Variants in MACROD2 observed in about 807,000 individuals in gnomAD.
MACROD2 encodes the protein ADP-ribose glycohydrolase MACROD2.
MACROD2 carries 36 observed loss-of-function variants against 70.4 expected under a neutral mutation model. The observed-to-expected ratio is 0.51, with a 90% CI of 0.39 to 0.68. The LOEUF is 0.68. MACROD2 is among the 30% of genes least tolerant of loss of function. The pLI, the probability that MACROD2 is intolerant of heterozygous loss-of-function variation, is 0.00. For synonymous variants in MACROD2, 172 were observed against 178.8 expected (o/e 0.96, Z 0.30); for missense variants, 496 against 538.4 (o/e 0.92, Z 0.78).
intron 5 of MACROD2, among the ~76,000 whole-genome samples, chr20:14,819,722 G>T (rs908362936): frequency 2.0e-5 from 3 of 152,092 alleles, no homozygotes; most frequent in Non-Finnish European, 4.4e-5. Context: ...AAAAGAGGAT[G>T]ACTAAGCTAA....
At chr20:14,822,645 C>G (rs140292910) in intron 5 of MACROD2, among the ~76,000 whole-genome samples, 2 of 152,058 alleles carry the variant, frequency 1.3e-5, no homozygotes, top group Admixed American at 1.3e-4. Context: ...AAAATATAAT[C>G]TTTCACCATG....
At chr20:14,600,505 A>C (rs1568692088) in intron 4 of MACROD2, among the ~76,000 whole-genome samples, 2 of 152,024 alleles carry the variant, frequency 1.3e-5, no homozygotes, top group Non-Finnish European at 2.9e-5. Context: ...TTTTAAAAAG[A>C]ATTAATTTTT....
chr20:14,891,973 A>G (rs1000067628), intron 5 of MACROD2, among the ~76,000 whole-genome samples: 1 of 150,702 alleles, frequency 6.6e-6, no homozygotes, highest in African/African-American at 2.5e-5. Context: ...TTATATTATG[A>G]AAAACTTTGA....
At chr20:15,134,365 G>T (rs1262728424) in intron 5 of MACROD2, among the ~76,000 whole-genome samples, 1 of 151,622 alleles carries the variant, frequency 6.6e-6, no homozygotes, top group Non-Finnish European at 1.5e-5. Context: ...ATAACAAACT[G>T]TCTCTCAGAC....
chr20:14,715,841 A>T (rs1295344501), intron 5 of MACROD2, among the ~76,000 whole-genome samples: 1 of 152,204 alleles, frequency 6.6e-6, no homozygotes, highest in Admixed American at 6.5e-5. Flanking sequence ...CAAAGACAAT[A>T]CAGCTCCAAC....
At chr20:16,035,706 T>C (rs554765316) in intron 15 of MACROD2, among the ~76,000 whole-genome samples, 1 of 152,150 alleles carries the variant, frequency 6.6e-6, no homozygotes, top group African/African-American at 2.4e-5. Flanking sequence ...CCTCAGGGGA[T>C]TTAGAACAGT....
intron 3 of MACROD2, among the ~76,000 whole-genome samples, chr20:14,288,375 G>T (rs1004765386): frequency 6.6e-6 from 1 of 152,090 alleles, no homozygotes; most frequent in Non-Finnish European, 1.5e-5. Flanking sequence ...TCAGTTTTTT[G>T]AAGATTCTTT....
intron 2 of MACROD2, among the ~76,000 whole-genome samples, chr20:14,077,344 C>G (rs568444033): frequency 5.6e-4 from 85 of 152,216 alleles, no homozygotes; most frequent in Middle Eastern, 6.8e-3. Context: ...AAAGATTACA[C>G]TATAAAGAAA....
intron 3 of MACROD2, among the ~76,000 whole-genome samples, chr20:14,445,131 GC>G (rs1282743379): frequency 6.6e-6 from 1 of 151,992 alleles, no homozygotes; most frequent in African/African-American, 2.4e-5. Flanking sequence ...TGGGTAAACA[GC>G]CTCCTATTAC....
intron 8 of MACROD2, among the ~76,000 whole-genome samples, chr20:15,689,324 T>C (rs2050269434): frequency 6.6e-6 from 1 of 150,780 alleles, no homozygotes; most frequent in African/African-American, 2.4e-5. Flanking sequence ...AAAAGATAGA[T>C]TGGGCCCTGC....
At chr20:14,932,783 G>T (rs994099396) in intron 5 of MACROD2, among the ~76,000 whole-genome samples, 2 of 152,022 alleles carry the variant, frequency 1.3e-5, no homozygotes, top group African/African-American at 4.8e-5. Flanking sequence ...GGCCAGGCTA[G>T]TCTCAAACTC....
Position 14,191,415 on chromosome 20 carries a change from A to G in MACROD2, c.271+105687A>G, listed in dbSNP as rs1188115731. On this transcript the variant is annotated intron_variant, in intron 3 of 17. Coordinates refer to ENST00000684519, the MANE Select transcript of MACROD2 (RefSeq NM_001351661.2). ...ATTCCCAAATCTCAGGATCGTTTTT[A>G]ATTTTAAATGGTATATAATCCGGTC... Among the ~76,000 whole-genome samples, 3 of 152,188 alleles carry G rather than the reference A, an allele frequency of 2.0e-5. No homozygotes were observed. In the East Asian group the frequency reaches 5.8e-4, roughly 29 times the overall value.
At chr20:16,026,563 T>G (rs997128802) in intron 15 of MACROD2, among the ~76,000 whole-genome samples, 3 of 152,164 alleles carry the variant, frequency 2.0e-5, no homozygotes, top group African/African-American at 7.2e-5. Flanking sequence ...CTCTCACCAC[T>G]GTCACTAGTG....
rs117224766 is a variant in MACROD2, at chr20:14,294,416, T to G, written c.272-199063T>G. Among the ~76,000 whole-genome samples the G allele has an allele frequency of 5.0e-3, 756 of 151,584 alleles. 6 individuals are homozygous for G. The highest frequency in any genetic ancestry group is 9.4e-3 in the East Asian group (49 of 5,188). Reference sequence around the variant, plus strand: ...CTGACAGACCTTTAGTGAGCAGTAATCATGAGGATAGGCTTGACTTGAGTT... The same window carrying G: ...CTGACAGACCTTTAGTGAGCAGTAAGCATGAGGATAGGCTTGACTTGAGTT... On this transcript the variant is annotated intron_variant, in intron 3 of 17. Coordinates refer to ENST00000684519, the MANE Select transcript of MACROD2 (RefSeq NM_001351661.2).
At chr20:14,693,402 T>C (rs141196161) in intron 5 of MACROD2, among the ~76,000 whole-genome samples, 4 of 152,294 alleles carry the variant, frequency 2.6e-5, no homozygotes, top group Admixed American at 6.5e-5. Context: ...AGAGCTACGG[T>C]AGCTGATGTG....
At chr20:14,341,596 A>G (rs748141048) in intron 3 of MACROD2, among the ~76,000 whole-genome samples, 2 of 152,210 alleles carry the variant, frequency 1.3e-5, no homozygotes, top group Non-Finnish European at 2.9e-5. Flanking sequence ...CTGAGATTGT[A>G]CCATGCACTC....
At chr20:14,466,847 C>T (rs1303118096) in intron 3 of MACROD2, among the ~76,000 whole-genome samples, 3 of 152,066 alleles carry the variant, frequency 2.0e-5, no homozygotes, top group Non-Finnish European at 4.4e-5. Context: ...TGCAGAACAG[C>T]AGATATTGGT....
Position 14,530,536 on chromosome 20 carries a change from G to GA in MACROD2, c.301+37034dup, listed in dbSNP as rs546579219. The stretch of plus-strand genomic sequence containing the variant: ...CTTACATTCATGTTATATTCTGGCA[G>GA]AAAAAATCTGATTTTAATTGCTCTA... On this transcript the variant is annotated intron_variant, in intron 4 of 17. Transcript: ENST00000684519. Among the ~76,000 whole-genome samples the GA allele has an allele frequency of 2.0e-3, 301 of 152,228 alleles. 2 individuals are homozygous for GA. The highest frequency in any genetic ancestry group is 6.9e-3 in the African/African-American group (286 of 41,534).
intron 10 of MACROD2, among the ~76,000 whole-genome samples, chr20:15,928,188 G>T (rs1351633045): frequency 6.6e-6 from 1 of 152,198 alleles, no homozygotes; most frequent in Non-Finnish European, 1.5e-5. Flanking sequence ...TGATGGGCAT[G>T]ATTAGGACAT....
Sources: allele counts gnomAD v4.1 joint callset (sites outside exome capture counted in the v4.1 genomes callset), GRCh38; gene constraint gnomAD v4.1.1; transcripts MANE v1.5; gene names NCBI Gene and HGNC (gene_info 2026-07-23, HGNC 2026-07-21).